The following LETM1 variants were observed in gnomAD, a reference collection of about 807,000 sequenced individuals.
LETM1 encodes the protein mitochondrial proton/calcium exchanger protein.
In LETM1, 50 loss-of-function variants were observed where a neutral mutation model predicts 74.5. That is an observed-to-expected ratio of 0.67 (90% CI 0.53 to 0.85). LETM1 has a LOEUF of 0.85. Among genes scored for constraint, LETM1 ranks in the 40% least tolerant of loss-of-function variants. LETM1 has a pLI of 0.00. For synonymous variants in LETM1, 446 were observed against 407.1 expected (o/e 1.10, Z -1.15); for missense variants, 824 against 967.8 (o/e 0.85, Z 1.97).
chr4:1,811,505 A>G lies in LETM1; in HGVS notation c.*2919T>C, dbSNP rs2108830890. The G allele has an allele frequency of 6.6e-6, 1 of 152,518 alleles. No individual in the cohort carries two copies. Among genetic ancestry groups the G allele is most frequent in the South Asian group, 2.1e-4 (1 of 4,832 alleles). 9.4% of individuals were successfully genotyped at this position (152,518 alleles called of 1,614,324 possible). A position where few individuals can be genotyped will look rare whatever the true frequency, so the allele number is the denominator to read the frequency against. On this transcript the variant is annotated 3_prime_UTR_variant, in exon 14 of 14. Coordinates refer to ENST00000302787, the MANE Select transcript of LETM1 (RefSeq NM_012318.3). ...TACAGGAACACAGATTTGATGTTTT[A>G]ATAAAAATACGATTTCTACAAAAGG...
In LETM1 at chr4:1,836,635, T is replaced by G; in HGVS notation, c.595-63A>C. 6.3e-5 allele frequency: 99 copies of G among 1,565,606 alleles called. No individual in the cohort carries two copies. Among genetic ancestry groups the G allele is most frequent in the Non-Finnish European group, 8.1e-5 (92 of 1,141,340 alleles). On this transcript the variant is annotated intron_variant, in intron 3 of 13. Transcript: ENST00000302787. This position sits in a 1 kb window ranked among gnomAD's most constrained non-coding sequence, Gnocchi z 5.8. ...CATGTGGGAACAAGGGCAAGGGGTG[T>G]GAGCATTTCTCCTATAATGGTTTAT...
chr4:1,822,169 C>T lies in LETM1; in HGVS notation c.1608+12G>A. 4 of 1,400,208 alleles carry T rather than the reference C, an allele frequency of 2.9e-6. No individual in the cohort carries two copies. The highest frequency in any genetic ancestry group is 3.8e-6 in the Non-Finnish European group (4 of 1,062,440). 86.7% of individuals were successfully genotyped at this position (1,400,208 alleles called of 1,614,324 possible). ...TCCTCAGCCTCCAGGGCCCCAGAACCTGCCTCATTACCTTCAAGCCCTCCA... is the reference window on the plus strand; with the variant it reads ...TCCTCAGCCTCCAGGGCCCCAGAACTTGCCTCATTACCTTCAAGCCCTCCA... On this transcript the variant is annotated intron_variant, in intron 10 of 13. Transcript: ENST00000302787.
intron 3 of LETM1, 137 bp downstream of exon 3, chr4:1,841,208 GGT>G: frequency 1.4e-6 from 1 of 718,658 alleles, no homozygotes; most frequent in Admixed American, 2.9e-5. Flanking sequence ...AGCCAGGTGT[GGT>G]GGCACATGCC....
At position 1,856,031 on chromosome 4, in the gene LETM1, G is replaced by A. The variant is rs562197915; in HGVS notation, c.-81C>T. 426 of 947,468 alleles carry A rather than the reference G, an allele frequency of 4.5e-4. 1 individual carries two copies. The African/African-American group carries it at 7.0e-3, about 16-fold the overall frequency. 58.7% of individuals were successfully genotyped at this position (947,468 alleles called of 1,614,324 possible). ...GCCGCGGCTCTTCGCCGTCCCGGCG[G>A]CGCTTCAGACCCGGCCCGCGCGGAC... On this transcript the variant is annotated 5_prime_UTR_variant, in exon 1 of 14. Transcript: ENST00000302787.
rs764236753 is a variant in LETM1, at chr4:1,822,200, G to A, written c.1589C>T (p.Pro530Leu). The A allele has an allele frequency of 5.1e-5, 75 of 1,471,458 alleles. No homozygotes were observed. The highest frequency in any genetic ancestry group is 6.5e-5 in the Non-Finnish European group (71 of 1,096,916). The allele number at this position is 1,471,458 out of a possible 1,614,324, so 91.2% of individuals were successfully genotyped here. ...CATTACCTTCAAGCCCTCCAGCACC[G>A]GGGCAGTGTCCTTCAAGGTCTCTGA... ...LQSETLKDTA[P>L]VLEGLKEEEI... The change falls in exon 10 of 14, where the codon CCG becomes CTG. Residue 530 changes from proline to leucine, a missense_variant. By Grantham distance (98) the Pro-to-Leu change is moderately conservative. Around this residue, in one of 4 missense-constraint regions of LETM1, gnomAD observed 172 missense variants for 170.7 expected, o/e 1.01. Transcript: ENST00000302787.
At chr4:1,849,943 G>A (rs113735699) in intron 1 of LETM1, among the ~76,000 whole-genome samples, 1 of 152,160 alleles carries the variant, frequency 6.6e-6, no homozygotes, top group African/African-American at 2.4e-5. Flanking sequence ...GATCACCTGA[G>A]GCCAGGAGTT....
chr4:1,855,856 G>A lies in LETM1; in HGVS notation c.82+13C>T. 1 of 1,226,000 alleles carries A rather than the reference G, an allele frequency of 8.2e-7. No individual in the cohort carries two copies. Among genetic ancestry groups the A allele is most frequent in the Non-Finnish European group, 1.0e-6 (1 of 985,006 alleles). The allele number at this position is 1,226,000 out of a possible 1,614,324, so 75.9% of individuals were successfully genotyped here. On this transcript the variant is annotated intron_variant, in intron 1 of 13. Coordinates refer to ENST00000302787, the MANE Select transcript of LETM1 (RefSeq NM_012318.3). ...CCGGGAGCCGGCCCCGCCCTGGGGT[G>A]CCCGCCGCTTACCCCGCGGGACGGT...
intron 1 of LETM1, among the ~76,000 whole-genome samples, chr4:1,849,554 C>T (rs1186070506): frequency 2.0e-5 from 3 of 152,172 alleles, no homozygotes; most frequent in Non-Finnish European, 2.9e-5. Context: ...AGGCATGAGC[C>T]ACCGTGCTCA....
At chr4:1,840,401 T>C (rs1016177288) in intron 3 of LETM1, among the ~76,000 whole-genome samples, 33 of 149,960 alleles carry the variant, frequency 2.2e-4, no homozygotes, top group African/African-American at 7.9e-4. Flanking sequence ...GGCGCGGTGG[T>C]TCACGCCTGT....
chr4:1,822,608 C>T, intron 9 of LETM1: 2 of 344,856 alleles, frequency 5.8e-6, no homozygotes, highest in Non-Finnish European at 1.0e-5. Context: ...GGGCACCATG[C>T]ATGTGACCCA....
chr4:1,835,128 T>A, intron 4 of LETM1, 146 bp from the exon 5 acceptor site: 1 of 774,454 alleles, frequency 1.3e-6, no homozygotes, highest in Non-Finnish European at 2.0e-6. Context: ...ATTCTCAAAC[T>A]CTTTTATTTC....
intron 7 of LETM1, among the ~76,000 whole-genome samples, chr4:1,824,842 G>A (rs193014655): frequency 3.5e-4 from 53 of 152,372 alleles, no homozygotes; most frequent in Non-Finnish European, 6.3e-4. Flanking sequence ...TGGGGAATCC[G>A]ATGGAAGACG....
chr4:1,833,617 C>G (rs1391960699), intron 5 of LETM1: 4 of 156,386 alleles, frequency 2.6e-5, no homozygotes, highest in African/African-American at 4.8e-5. Context: ...TTAGGGAGAG[C>G]TAGAGTCCCT....
chr4:1,843,412 G>A (rs371801009), intron 2 of LETM1, among the ~76,000 whole-genome samples: 25 of 152,352 alleles, frequency 1.6e-4, no homozygotes, highest in Non-Finnish European at 8.8e-5. Context: ...AGGGCAGTGC[G>A]GCTGGTGCAG....
intron 2 of LETM1, chr4:1,846,686 A>G (rs1369796964): frequency 6.6e-6 from 1 of 152,360 alleles, no homozygotes; most frequent in Non-Finnish European, 1.5e-5. Context: ...AGCTAACATC[A>G]TATGTCACAA....
At chr4:1,827,148 T>C (rs1017048034) in intron 6 of LETM1, among the ~76,000 whole-genome samples, 3 of 152,146 alleles carry the variant, frequency 2.0e-5, no homozygotes, top group Admixed American at 6.5e-5. Flanking sequence ...GTCGAGGAGC[T>C]TCCCTCAGCC....
In LETM1 at chr4:1,832,723, G is replaced by A. The variant is rs146443643; in HGVS notation, c.1080+21C>T. 350 of 1,608,712 alleles carry A rather than the reference G, an allele frequency of 2.2e-4. 2 individuals carry two copies. In the East Asian group the frequency reaches 4.5e-3, roughly 21 times the overall value. On this transcript the variant is annotated intron_variant, in intron 6 of 13. Coordinates refer to ENST00000302787, the MANE Select transcript of LETM1 (RefSeq NM_012318.3). ...AAAGGTAAAACACCAGAGCTGTGGC[G>A]CGGAGTATGGCCAGGCTCACCTTGT... is the stretch of plus-strand genomic sequence containing the variant.
intron 6 of LETM1, among the ~76,000 whole-genome samples, chr4:1,829,273 C>T (rs1237640056): frequency 1.4e-5 from 2 of 146,478 alleles, no homozygotes; most frequent in Non-Finnish European, 3.0e-5. Flanking sequence ...AGAGGGGCTC[C>T]TCACTTCCCA....
intron 7 of LETM1, among the ~76,000 whole-genome samples, chr4:1,824,312 C>A (rs1711904110): frequency 6.6e-6 from 1 of 152,152 alleles, no homozygotes; most frequent in Non-Finnish European, 1.5e-5. Context: ...CAGAGCAAGA[C>A]TCTGTCTCAA....
Sources: gnomAD v4.1 joint callset for allele counts (sites outside exome capture counted in the v4.1 genomes callset) on GRCh38, gnomAD v4.1.1 for gene constraint, gnomAD v4.1.1 regional missense constraint, Gnocchi (gnomAD v3.1) non-coding constraint, MANE v1.5 for transcripts, NCBI Gene and HGNC (gene_info 2026-07-23, HGNC 2026-07-21) for gene names.